Variants in KCNMA1 observed in about 807,000 individuals in gnomAD.
The protein encoded by KCNMA1 is Calcium-activated potassium channel subunit alpha-1.
Under a neutral mutation model 140.0 loss-of-function variants are expected in KCNMA1, and 29 were observed. The observed-to-expected ratio is 0.21, with a 90% confidence interval of 0.15 to 0.28. The LOEUF is 0.28. KCNMA1 is among the 10% of genes least tolerant of loss of function. KCNMA1 has a pLI of 1.00. For missense variants in KCNMA1, 880 were observed against 1,602.2 expected (o/e 0.55, Z 7.70); for synonymous variants, 612 against 611.9 (o/e 1.00, Z 0.00).
intron 1 of KCNMA1, among the ~76,000 whole-genome samples, chr10:77,502,301 C>T (rs146800302): frequency 2.6e-4 from 40 of 152,298 alleles, no homozygotes; most frequent in African/African-American, 9.4e-4. Context: ...TCTTGTCTTG[C>T]TTCATTCACA....
At chr10:76,897,908 T>C (rs1331336079) in intron 25 of KCNMA1, among the ~76,000 whole-genome samples, 1 of 151,942 alleles carries the variant, frequency 6.6e-6, no homozygotes, top group Non-Finnish European at 1.5e-5. Flanking sequence ...TAAATTTTTC[T>C]AGACAATAAT....
chr10:77,480,908 G>C lies in KCNMA1; in HGVS notation c.379-76885C>G, dbSNP rs947141275. ...GCAGATCACCTGAGGTCAGGAGTTC[G>C]AGACCAGCCTGGCCAACATGGTGAA... On this transcript the variant is annotated intron_variant, in intron 1 of 27. Coordinates refer to ENST00000286628, the MANE Select transcript of KCNMA1 (RefSeq NM_001161352.2). Among the ~76,000 whole-genome samples, 3 of 150,840 alleles carry C rather than the reference G, an allele frequency of 2.0e-5. No homozygotes were observed. The East Asian group carries it at 5.9e-4, about 29-fold the overall frequency.
At chr10:77,286,626 C>T (rs950662639) in intron 2 of KCNMA1, among the ~76,000 whole-genome samples, 4 of 152,030 alleles carry the variant, frequency 2.6e-5, no homozygotes. Context: ...AATTCCAGTC[C>T]ATTCATTTTT....
At position 77,637,479 on chromosome 10, in the gene KCNMA1, G is replaced by T; in HGVS notation, c.164C>A (p.Ser55Tyr). The T allele has an allele frequency of 6.2e-7, 1 of 1,601,670 alleles. No individual in the cohort carries two copies. The highest frequency in any genetic ancestry group is 8.5e-7 in the Non-Finnish European group (1 of 1,172,316). The change falls in exon 1 of 28, where the codon TCT becomes TAT. Residue 55 changes from serine to tyrosine, a missense_variant. Around this residue, in one of 13 missense-constraint regions of KCNMA1, gnomAD observed 94 missense variants for 92.4 expected, o/e 1.02. Transcript: ENST00000286628. ...SSSSSSSSSS[S>Y]SSSSSVHEPK... is the part of the protein sequence containing the mutation. ...CTCGTGGACCGAGGACGAGGAGGAA[G>T]AGGAGGAGGAAGAAGAAGAAGAGGA... is the stretch of plus-strand genomic sequence containing the variant.
intron 1 of KCNMA1, among the ~76,000 whole-genome samples, chr10:77,462,138 A>G (rs1162052974): frequency 6.6e-6 from 1 of 152,130 alleles, no homozygotes; most frequent in Non-Finnish European, 1.5e-5. Context: ...ACATACATGC[A>G]CACACATACA....
At chr10:76,904,501 A>G (rs1038801068) in intron 25 of KCNMA1, 3 of 151,802 alleles carry the variant, frequency 2.0e-5, no homozygotes, top group Non-Finnish European at 2.9e-5. Flanking sequence ...TTCTCTTAAC[A>G]CTGTTATAAT....
At chr10:77,552,802 A>T (rs906040928) in intron 1 of KCNMA1, among the ~76,000 whole-genome samples, 1 of 152,166 alleles carries the variant, frequency 6.6e-6, no homozygotes, top group Non-Finnish European at 1.5e-5. Flanking sequence ...TAATCTCAGC[A>T]CTTTGGGAGG....
chr10:77,080,772 C>G (rs1165579375), intron 12 of KCNMA1, among the ~76,000 whole-genome samples: 1 of 152,084 alleles, frequency 6.6e-6, no homozygotes, highest in African/African-American at 2.4e-5. Flanking sequence ...TAGGGACTAG[C>G]CCAGAAACAA....
At chr10:76,985,389 T>C (rs2080978271) in intron 19 of KCNMA1, among the ~76,000 whole-genome samples, 1 of 152,166 alleles carries the variant, frequency 6.6e-6, no homozygotes, top group African/African-American at 2.4e-5. Context: ...AAATGCATTA[T>C]AATCTTACTA....
At chr10:77,476,312 G>C (rs2098276769) in intron 1 of KCNMA1, among the ~76,000 whole-genome samples, 1 of 152,180 alleles carries the variant, frequency 6.6e-6, no homozygotes, top group Non-Finnish European at 1.5e-5. Flanking sequence ...AAGGGACTGG[G>C]GAGCTGAGCT....
chr10:77,060,841 G>A (rs896162310), intron 14 of KCNMA1, among the ~76,000 whole-genome samples: 2 of 152,108 alleles, frequency 1.3e-5, no homozygotes, highest in African/African-American at 4.8e-5. Context: ...CACAATGTTG[G>A]AGTGATGCGA....
chr10:76,918,288 T>C (rs1376699784), intron 23 of KCNMA1, among the ~76,000 whole-genome samples: 1 of 152,230 alleles, frequency 6.6e-6, no homozygotes, highest in Non-Finnish European at 1.5e-5. Flanking sequence ...CCAGAAAAGA[T>C]GACTAAGAAT....
Position 77,183,311 on chromosome 10 carries a change from A to C in KCNMA1, c.808+110T>G, listed in dbSNP as rs1250660685. On this transcript the variant is annotated intron_variant, in intron 5 of 27. Transcript: ENST00000286628. ...ACTCCAAGAGCCCGTTGTTCACATT[A>C]ATACATACAACATTGTTTGTAGGGA... 3 of 771,016 alleles carry C rather than the reference A, an allele frequency of 3.9e-6. No homozygotes were observed. In the Admixed American group the frequency reaches 5.7e-5, roughly 15 times the overall value. The allele number at this position is 771,016 out of a possible 1,614,324, so 47.8% of individuals were successfully genotyped here.
intron 1 of KCNMA1, among the ~76,000 whole-genome samples, chr10:77,518,913 C>T (rs889118615): frequency 2.0e-5 from 3 of 152,334 alleles, no homozygotes; most frequent in African/African-American, 7.2e-5. Flanking sequence ...AAGACTGTCT[C>T]CCTGCTGCCC....
At chr10:77,036,296 G>T (rs2094325794) in intron 15 of KCNMA1, among the ~76,000 whole-genome samples, 1 of 152,134 alleles carries the variant, frequency 6.6e-6, no homozygotes, top group Non-Finnish European at 1.5e-5. Flanking sequence ...CGGGGTGGCA[G>T]GACCTTCTGC....
In KCNMA1 at chr10:77,531,366, G is replaced by A. The variant is rs1474379200; in HGVS notation, c.378+105899C>T. On this transcript the variant is annotated intron_variant, in intron 1 of 27. Transcript: ENST00000286628. The stretch of plus-strand genomic sequence containing the variant: ...AATTCATCTATGCATAAACAAAGCT[G>A]ACAGCCAGCATACTGAAATGGACAG... Among the ~76,000 whole-genome samples, 3 of 152,220 alleles carry A rather than the reference G, an allele frequency of 2.0e-5. No individual in the cohort carries two copies. In the East Asian group the frequency reaches 5.8e-4, roughly 29 times the overall value.
At chr10:77,007,626 A>C (rs2089305049) in intron 18 of KCNMA1, among the ~76,000 whole-genome samples, 1 of 87,962 alleles carries the variant, frequency 1.1e-5, no homozygotes. Context: ...ATATACTCTG[A>C]TACATCATGG....
At chr10:77,597,949 T>A (rs2673402) in intron 1 of KCNMA1, among the ~76,000 whole-genome samples, 139,382 of 152,248 alleles carry the variant, frequency 0.92, 63,956 homozygotes, top group South Asian at 0.97. Flanking sequence ...CATTCACTTC[T>A]CTGTAAGATA....
intron 2 of KCNMA1, among the ~76,000 whole-genome samples, chr10:77,297,506 C>G (rs964398401): frequency 6.6e-6 from 1 of 152,124 alleles, no homozygotes; most frequent in Non-Finnish European, 1.5e-5. Flanking sequence ...ATGCATGGTC[C>G]ATGGTGCTGC....
Sources: gnomAD v4.1 joint callset for allele counts (sites outside exome capture counted in the v4.1 genomes callset) on GRCh38, gnomAD v4.1.1 for gene constraint, gnomAD v4.1.1 regional missense constraint, MANE v1.5 for transcripts, NCBI Gene and HGNC (gene_info 2026-07-23, HGNC 2026-07-21) for gene names.